The following NXF3 variants were observed in gnomAD, a reference collection of about 807,000 sequenced individuals.
NXF3 encodes nuclear RNA export factor 3, also known as TAP-like protein 3.
A neutral mutation model predicts 48.4 loss-of-function variants in NXF3; 34 were observed. The ratio of observed to expected loss-of-function variants is 0.70; its 90% CI spans 0.53 to 0.93. The LOEUF is 0.93. NXF3 is among the 40% of genes least tolerant of loss of function. NXF3 has a pLI of 0.00. For synonymous variants in NXF3, 132 were observed against 145.7 expected, an observed-to-expected ratio of 0.91 and a Z score of 0.68; for missense variants, 359 against 406.1, an observed-to-expected ratio of 0.88 and a Z score of 1.00.
At chrX:103,077,882 G>A in intron 17 of NXF3, 136 bp from the exon 18 acceptor site, 2 of 716,401 alleles carry the variant, frequency 2.8e-6, no homozygotes, top group East Asian at 3.5e-5. Context: ...TTTTTGGCTG[G>A]TACCCTCTAA....
chrX:103,089,214 C>A, intron 1 of NXF3: 2 of 626,957 alleles, frequency 3.2e-6, no homozygotes, highest in Non-Finnish European at 5.3e-6. Flanking sequence ...CTGGAAGAGA[C>A]ATCAACTTAC....
rs1442229315 is a variant in NXF3, at chrX:103,083,289, G to A, written c.541-16C>T. The A allele has an allele frequency of 1.7e-6, 2 of 1,202,049 alleles. No homozygotes were observed. The highest frequency in any genetic ancestry group is 3.5e-5 in the South Asian group (2 of 56,724). On this transcript the variant is annotated splice_polypyrimidine_tract_variant and intron_variant, in intron 5 of 19. Transcript: ENST00000395065. ...AGATTGATATCTGCAGAGAACCCAA[G>A]AGGGGCTGAGTAAACACTAGGAACT... is the stretch of plus-strand genomic sequence containing the variant.
chrX:103,080,494 G>A, intron 10 of NXF3, 82 bp downstream of exon 10: 18 of 967,463 alleles, frequency 1.9e-5, no homozygotes, highest in Non-Finnish European at 2.7e-5. Flanking sequence ...ATGTAACTGG[G>A]ACAATATCTA....
Position 103,083,148 on chromosome X carries a change from G to A in NXF3, c.621+45C>T, listed in dbSNP as rs372372238. On this transcript the variant is annotated intron_variant, in intron 6 of 19. Coordinates refer to ENST00000395065, the MANE Select transcript of NXF3 (RefSeq NM_022052.2). ...GGGGGCAATAGGTGGGGAAGAAGCA[G>A]TGGGTCTGGCTTTGTGTGAACAACT... 16 of 1,194,594 alleles carry A rather than the reference G, an allele frequency of 1.3e-5. No individual in the cohort carries two copies. The South Asian group carries it at 2.0e-4, about 15-fold the overall frequency.
In NXF3 at chrX:103,079,858, G is replaced by C. The variant is rs748481077; in HGVS notation, c.1065C>G (p.Ile355Met). ...VLQFLQQYYL[I>M]YDSGDRQGLL... Reference sequence around the variant, plus strand: ...GACCCTGTCGATCTCCAGAGTCATAGATCAAGTAATACCTGTTGGAGACCA... The same window carrying C: ...GACCCTGTCGATCTCCAGAGTCATACATCAAGTAATACCTGTTGGAGACCA... Residue 355 changes from isoleucine (I) to methionine (M), a missense_variant, in exon 13 of 20, where the codon ATC becomes ATG. Coordinates refer to ENST00000395065, the MANE Select transcript of NXF3 (RefSeq NM_022052.2). 8.3e-7 allele frequency: 1 copy of C among 1,208,097 alleles called. No individual in the cohort carries two copies. Among genetic ancestry groups the C allele is most frequent in the Non-Finnish European group, 1.1e-6 (1 of 892,212 alleles).
chrX:103,078,485 G>A, intron 17 of NXF3, 75 bp downstream of exon 17: 1 of 1,188,154 alleles, frequency 8.4e-7, no homozygotes, highest in Non-Finnish European at 1.1e-6. Context: ...AACACCCCGA[G>A]GACTGCACCA....
At chrX:103,077,823 G>C in intron 17 of NXF3, 77 bp from the exon 18 acceptor site, 1 of 1,110,574 alleles carries the variant, frequency 9.0e-7, no homozygotes, top group African/African-American at 1.8e-5. Flanking sequence ...TTTTCCTACT[G>C]TTCAGCAACC....
Position 103,087,578 on chromosome X carries a change from G to A in NXF3, c.29-2695C>T. ...GCCAAACAAGAAAAGTCAACATATGGAGTGTATAATACTTTTACCAGAGGA... is the reference window on the plus strand; with the variant it reads ...GCCAAACAAGAAAAGTCAACATATGAAGTGTATAATACTTTTACCAGAGGA... On this transcript the variant is annotated intron_variant, in intron 1 of 19. Transcript: ENST00000395065. 4.2e-6 allele frequency: 4 copies of A among 961,020 alleles called. No individual in the cohort carries two copies. The South Asian group carries it at 7.8e-5, about 19-fold the overall frequency. 79.2% of individuals were successfully genotyped at this position (961,020 alleles called of 1,213,427 possible).
chrX:103,092,099 A>T, intron 1 of NXF3, among the ~76,000 whole-genome samples: 1 of 111,405 alleles, frequency 9.0e-6, no homozygotes, highest in East Asian at 2.8e-4. Flanking sequence ...GAAAAAATTA[A>T]TGATAAATAT....
rs1306018423 is a variant in NXF3 at position 103,079,337 on chromosome X, A to G, written c.1335+22T>C. 3.3e-6 allele frequency: 4 copies of G among 1,206,563 alleles called. No homozygotes were observed. The African/African-American group carries it at 7.0e-5, about 21-fold the overall frequency. ...CACCTCTGGCTTTCTGGGCCTGCCCAAGGGAGGAAGCAGGTACTCACCGTC... is the reference window on the plus strand; with the variant it reads ...CACCTCTGGCTTTCTGGGCCTGCCCGAGGGAGGAAGCAGGTACTCACCGTC... On this transcript the variant is annotated intron_variant, in intron 15 of 19. Transcript: ENST00000395065.
At position 103,078,014 on chromosome X, in the gene NXF3, G is replaced by A. The variant is rs771558476; in HGVS notation, c.1452-268C>T. On this transcript the variant is annotated intron_variant, in intron 17 of 19. Transcript: ENST00000395065. ...GCCCTTTACAATAGCCCAAGGGAGT[G>A]GACACTGTAATCACCAGTTTCAAAG... 7.2e-5 allele frequency among the ~76,000 whole-genome samples: 8 copies of A among 111,861 alleles called. No individual in the cohort carries two copies. The South Asian group carries it at 2.7e-3, about 37-fold the overall frequency.
chrX:103,078,508 A>G (rs1021327016), intron 17 of NXF3, 52 bp downstream of exon 17: 45 of 1,207,237 alleles, frequency 3.7e-5, no homozygotes, highest in African/African-American at 1.6e-4. Context: ...ACATTCCCAC[A>G]CCACTGGCCC....
chrX:103,087,496 C>G, intron 1 of NXF3: 1 of 1,015,920 alleles, frequency 9.8e-7, no homozygotes, highest in Non-Finnish European at 1.4e-6. Flanking sequence ...GAAGCACCAA[C>G]AACTTCACAA....
At chrX:103,087,344 C>T (rs1922180482) in intron 1 of NXF3, 2 of 1,202,760 alleles carry the variant, frequency 1.7e-6, no homozygotes, top group African/African-American at 1.7e-5. Flanking sequence ...CTCATTCATA[C>T]TGGTCAAAAG....
rs1237880619 is a variant in NXF3, at chrX:103,084,708, C to T, written c.197+7G>A. ...CATTCCAGCCATGCTGACTACTGGT[C>T]ACTTACTATCTTACTGGAGAGTCCA... On this transcript the variant is annotated splice_region_variant and intron_variant, in intron 2 of 19. Transcript: ENST00000395065. 3.3e-6 allele frequency: 4 copies of T among 1,207,254 alleles called. No homozygotes were observed. The highest frequency in any genetic ancestry group is 4.5e-6 in the Non-Finnish European group (4 of 893,170).
chrX:103,083,786 A>G lies in NXF3; in HGVS notation c.352-94T>C, dbSNP rs1922079198. The G allele has an allele frequency of 6.6e-6, 4 of 610,113 alleles. No individual in the cohort carries two copies. In the South Asian group the frequency reaches 1.1e-4, roughly 16 times the overall value. The allele number at this position is 610,113 out of a possible 1,213,427, so 50.3% of individuals were successfully genotyped here. A position where few individuals can be genotyped will look rare whatever the true frequency, so the allele number is the denominator to read the frequency against. ...CCCAAATATGTTCCTTTCAGACTTTAAAATAGTTTAAGATAGGACAACATC... is the reference window on the plus strand; with the variant it reads ...CCCAAATATGTTCCTTTCAGACTTTGAAATAGTTTAAGATAGGACAACATC... On this transcript the variant is annotated intron_variant, in intron 3 of 19. Coordinates refer to ENST00000395065, the MANE Select transcript of NXF3 (RefSeq NM_022052.2).
intron 1 of NXF3, among the ~76,000 whole-genome samples, chrX:103,086,939 G>T (rs779812521): frequency 2.5e-4 from 28 of 112,478 alleles, no homozygotes; most frequent in Non-Finnish European, 3.8e-4. Context: ...GAGGTGGGTG[G>T]CTCCTGGGCC....
intron 1 of NXF3, among the ~76,000 whole-genome samples, chrX:103,086,992 T>C (rs896678244): frequency 9.8e-5 from 11 of 112,019 alleles, no homozygotes; most frequent in Middle Eastern, 9.3e-3. Flanking sequence ...AGAAACCCGA[T>C]TGAGAAGTGG....
rs3747298 is a variant in NXF3, at chrX:103,076,178, G to A, written c.*49+63C>T. The A allele has an allele frequency of 0.015, 12,101 of 821,590 alleles. 631 individuals are homozygous for A. In the East Asian group the frequency reaches 0.19, roughly 13 times the overall value. 67.7% of individuals were successfully genotyped at this position (821,590 alleles called of 1,213,427 possible). A position where few individuals can be genotyped will look rare whatever the true frequency, so the allele number is the denominator to read the frequency against. On this transcript the variant is annotated intron_variant, in intron 19 of 19. Transcript: ENST00000395065. Reference sequence around the variant, plus strand: ...AGCTGGGAGATCAGCAGAACCGGAAGCCCAAGTTCAATCCCCAGGCCACCC... The same window carrying A: ...AGCTGGGAGATCAGCAGAACCGGAAACCCAAGTTCAATCCCCAGGCCACCC...
Sources: gnomAD v4.1 joint callset for allele counts (sites outside exome capture counted in the v4.1 genomes callset) on GRCh38, gnomAD v4.1.1 for gene constraint, MANE v1.5 for transcripts, NCBI Gene and HGNC (gene_info 2026-07-23, HGNC 2026-07-21) for gene names.